The following EXOC4 variants were observed in gnomAD, a reference collection of about 807,000 sequenced individuals.
EXOC4 encodes the protein SEC8-like 1.
Under a neutral mutation model 107.2 loss-of-function variants are expected in EXOC4, and 71 were observed. That is an observed-to-expected ratio of 0.66 (90% CI 0.55 to 0.81). The LOEUF (loss-of-function observed/expected upper bound fraction) is 0.81, where lower values mean the gene tolerates loss of function less well. Among genes scored for constraint, EXOC4 ranks in the 30% least tolerant of loss-of-function variants. The pLI, the probability that EXOC4 is intolerant of heterozygous loss-of-function variation, is 0.00. For missense variants in EXOC4, 1,108 were observed against 1,189.6 expected (o/e 0.93, Z 1.01); for synonymous variants, 456 against 441.2 (o/e 1.03, Z -0.42).
At chr7:133,754,285 G>A (rs941544720) in intron 10 of EXOC4, among the ~76,000 whole-genome samples, 1 of 152,204 alleles carries the variant, frequency 6.6e-6, no homozygotes, top group Non-Finnish European at 1.5e-5. Context: ...GAGAGCAGAA[G>A]CAGCTTTCTG....
chr7:133,863,656 T>C (rs1342988269), intron 11 of EXOC4, among the ~76,000 whole-genome samples: 1 of 152,232 alleles, frequency 6.6e-6, no homozygotes, highest in Non-Finnish European at 1.5e-5. Context: ...TTTATTGTGC[T>C]CTGTACTTAC....
At chr7:133,867,412 G>T (rs1037758089) in intron 11 of EXOC4, among the ~76,000 whole-genome samples, 5 of 152,108 alleles carry the variant, frequency 3.3e-5, no homozygotes, top group African/African-American at 1.2e-4. Flanking sequence ...CAATCCTTAC[G>T]AAGTGTATAA....
At chr7:133,348,712 G>T (rs1034717812) in intron 5 of EXOC4, among the ~76,000 whole-genome samples, 5 of 152,086 alleles carry the variant, frequency 3.3e-5, no homozygotes, top group African/African-American at 1.2e-4. Flanking sequence ...CTTGCTGTGG[G>T]GTTGGTTTTG....
chr7:133,511,476 A>C (rs1315244854), intron 9 of EXOC4, among the ~76,000 whole-genome samples: 1 of 152,154 alleles, frequency 6.6e-6, no homozygotes, highest in East Asian at 1.9e-4. Flanking sequence ...ATTGTTCTTC[A>C]TTTGCTGGCA....
At chr7:133,322,050 AC>A (rs1795124705) in intron 5 of EXOC4, among the ~76,000 whole-genome samples, 1 of 152,050 alleles carries the variant, frequency 6.6e-6, no homozygotes, top group African/African-American at 2.4e-5. Flanking sequence ...TCCTTCACCC[AC>A]TTTTTGATGG....
chr7:134,035,157 T>C (rs1208765636), intron 17 of EXOC4, among the ~76,000 whole-genome samples: 1 of 151,122 alleles, frequency 6.6e-6, no homozygotes, highest in East Asian at 2.0e-4. Flanking sequence ...GCCATTCTCC[T>C]GCCTCAGCCT....
intron 8 of EXOC4, among the ~76,000 whole-genome samples, chr7:133,477,954 C>T (rs1220045439): frequency 2.6e-5 from 4 of 151,986 alleles, no homozygotes; most frequent in Non-Finnish European, 5.9e-5. Context: ...AGGTTTCCAG[C>T]TGGAGAGGAA....
intron 9 of EXOC4, among the ~76,000 whole-genome samples, chr7:133,538,825 T>C (rs551239154): frequency 7.4e-6 from 1 of 134,572 alleles, no homozygotes; most frequent in Non-Finnish European, 1.5e-5. Context: ...AGCAAGACCC[T>C]GTGTCTTGAA....
At chr7:134,051,257 A>T (rs1795779956) in intron 17 of EXOC4, among the ~76,000 whole-genome samples, 1 of 152,244 alleles carries the variant, frequency 6.6e-6, no homozygotes, top group African/African-American at 2.4e-5. Context: ...TTTCAGAAGC[A>T]GAGAGAGAAG....
At chr7:133,481,601 A>G (rs967507649) in intron 9 of EXOC4, among the ~76,000 whole-genome samples, 4 of 152,130 alleles carry the variant, frequency 2.6e-5, no homozygotes, top group African/African-American at 4.8e-5. Context: ...ATGCTGCTGT[A>G]CTCTCTCATA....
intron 7 of EXOC4, among the ~76,000 whole-genome samples, chr7:133,435,640 G>A: frequency 6.6e-6 from 1 of 152,074 alleles, no homozygotes; most frequent in East Asian, 1.9e-4. Flanking sequence ...AGGTAAATTA[G>A]GTATTCTTCT....
chr7:133,604,423 C>T (rs1486553415), intron 9 of EXOC4, among the ~76,000 whole-genome samples: 2 of 152,120 alleles, frequency 1.3e-5, no homozygotes, highest in Admixed American at 6.6e-5. Flanking sequence ...AGCCTCACTA[C>T]AATATGTAAG....
At chr7:133,569,543 T>C (rs923230035) in intron 9 of EXOC4, among the ~76,000 whole-genome samples, 1 of 152,144 alleles carries the variant, frequency 6.6e-6, no homozygotes, top group Non-Finnish European at 1.5e-5. Flanking sequence ...AACTTTATTA[T>C]TAAACATGCA....
At chr7:133,883,057 C>A (rs894502762) in intron 11 of EXOC4, among the ~76,000 whole-genome samples, 5 of 152,114 alleles carry the variant, frequency 3.3e-5, no homozygotes, top group African/African-American at 1.2e-4. Flanking sequence ...CCAGTCAATA[C>A]CCTCTCTAAG....
intron 7 of EXOC4, among the ~76,000 whole-genome samples, chr7:133,444,818 G>C (rs28733485): frequency 6.6e-6 from 1 of 152,116 alleles, no homozygotes; most frequent in East Asian, 1.9e-4. Context: ...TCAGCTTGTC[G>C]GTGTTCAGGT....
chr7:133,862,506 C>T (rs1234141422), intron 11 of EXOC4, among the ~76,000 whole-genome samples: 2 of 152,036 alleles, frequency 1.3e-5, no homozygotes, highest in Non-Finnish European at 2.9e-5. Context: ...AAAAAAAGAG[C>T]CTCATTCCCA....
chr7:133,669,004 ATT>A (rs58354607), intron 10 of EXOC4, among the ~76,000 whole-genome samples: 126 of 118,396 alleles, frequency 1.1e-3, no homozygotes, highest in African/African-American at 2.3e-3. Context: ...TGTTCTCCCA[ATT>A]TTTTTTTTTT....
At chr7:134,046,164 C>G (rs755868888) in intron 17 of EXOC4, among the ~76,000 whole-genome samples, 1 of 152,112 alleles carries the variant, frequency 6.6e-6, no homozygotes, top group Non-Finnish European at 1.5e-5. Flanking sequence ...ATAACCATCA[C>G]TCCTATAAAA....
chr7:134,027,255 A>G (rs1795159572), intron 17 of EXOC4, among the ~76,000 whole-genome samples: 1 of 152,200 alleles, frequency 6.6e-6, no homozygotes, highest in African/African-American at 2.4e-5. Context: ...TTCTACTCTC[A>G]TGAACTGTGG....
Sources: allele counts gnomAD v4.1 joint callset (sites outside exome capture counted in the v4.1 genomes callset), GRCh38; gene constraint gnomAD v4.1.1; transcripts MANE v1.5; gene names NCBI Gene and HGNC (gene_info 2026-07-23, HGNC 2026-07-21).